DHX30: variants seen among roughly 807,000 people sequenced by gnomAD.
The protein encoded by DHX30 is DExH-box helicase 30, also known as ATP-dependent RNA helicase DHX30.
DHX30 carries 4 observed loss-of-function variants against 116.9 expected under a neutral mutation model. The observed-to-expected ratio is 0.03, with a 90% confidence interval of 0.02 to 0.08. The LOEUF is 0.08. Ranked by LOEUF, DHX30 falls within the 10% of genes least tolerant of loss-of-function variation. The probability of loss-of-function intolerance (pLI) is 1.00; values close to 1 mark genes in which losing one functional copy is unlikely to be tolerated. For synonymous variants in DHX30, 697 were observed against 651.7 expected (o/e 1.07, Z -1.06); for missense variants, 871 against 1,595.1 (o/e 0.55, Z 7.73).
intron 4 of DHX30, chr3:47,826,250 T>C (rs566195435): frequency 3.3e-5 from 5 of 152,240 alleles, no homozygotes; most frequent in African/African-American, 1.2e-4. Context: ...CTTCATGACC[T>C]GGTTAAGCCT....
At chr3:47,838,722 C>T (rs958344545) in intron 6 of DHX30, among the ~76,000 whole-genome samples, 1 of 152,166 alleles carries the variant, frequency 6.6e-6, no homozygotes, top group Non-Finnish European at 1.5e-5. Context: ...CAGACTTTGT[C>T]GCCTTTACCA....
At chr3:47,834,064 A>G (rs1191454792) in intron 6 of DHX30, among the ~76,000 whole-genome samples, 6 of 151,616 alleles carry the variant, frequency 4.0e-5, no homozygotes, top group Non-Finnish European at 7.4e-5. Flanking sequence ...CTGTGTATTC[A>G]GCTTATTTTA....
intron 6 of DHX30, among the ~76,000 whole-genome samples, chr3:47,839,993 CTTTTCTTTTCT>C (rs1312734422): frequency 3.0e-4 from 33 of 110,088 alleles, no homozygotes; most frequent in Middle Eastern, 5.1e-3. Context: ...ATTTTTTTTT[CTTTTCTTTTCT>C]TTTTTTTTTT....
At chr3:47,819,441 C>T (rs1199225894) in intron 4 of DHX30, among the ~76,000 whole-genome samples, 1 of 152,178 alleles carries the variant, frequency 6.6e-6, no homozygotes, top group East Asian at 1.9e-4. Flanking sequence ...GCTCTCTTCC[C>T]CAGAGGAGTG....
In DHX30 at chr3:47,848,592, CGAG is replaced by C; in HGVS notation, c.2576-30_2576-28del. On this transcript the variant is annotated intron_variant, in intron 16 of 21. Coordinates refer to ENST00000445061, the MANE Select transcript of DHX30 (RefSeq NM_138615.3). This position sits in a 1 kb window ranked among gnomAD's most constrained non-coding sequence, Gnocchi z 9.4. ...CTGGGCTGGGCTGGGGAGTGGCTCT[CGAG>C]GGTGGTACTGACAGCTGAGCCGTTG... The C allele has an allele frequency of 6.2e-7, 1 of 1,613,944 alleles. No homozygotes were observed. Among genetic ancestry groups the C allele is most frequent in the South Asian group, 1.1e-5 (1 of 91,070 alleles).
At chr3:47,818,754 G>C (rs968798827) in intron 4 of DHX30, among the ~76,000 whole-genome samples, 1 of 152,150 alleles carries the variant, frequency 6.6e-6, no homozygotes, top group African/African-American at 2.4e-5. Context: ...CTGCACATGA[G>C]CGCCTCCTCT....
At chr3:47,836,665 C>T (rs936873406) in intron 6 of DHX30, among the ~76,000 whole-genome samples, 3 of 152,066 alleles carry the variant, frequency 2.0e-5, no homozygotes, top group Non-Finnish European at 4.4e-5. Context: ...ACTACAGGTG[C>T]GCACCACCAC....
At chr3:47,831,534 T>C (rs1180017060) in intron 6 of DHX30, among the ~76,000 whole-genome samples, 4 of 152,186 alleles carry the variant, frequency 2.6e-5, no homozygotes, top group African/African-American at 9.7e-5. Flanking sequence ...CTTCCTCTTC[T>C]GGTTCTTTTC....
At chr3:47,815,984 A>G (rs912846697) in intron 3 of DHX30, 102 of 982,472 alleles carry the variant, frequency 1.0e-4, no homozygotes, top group Non-Finnish European at 1.1e-4. Context: ...GTGAATGAGG[A>G]CCCTCCTTAA....
chr3:47,822,684 C>T (rs184186596), intron 4 of DHX30, among the ~76,000 whole-genome samples: 3 of 152,164 alleles, frequency 2.0e-5, no homozygotes, highest in African/African-American at 7.2e-5. Context: ...GCTTGGGAGA[C>T]TGAGACAGGA....
In DHX30 at chr3:47,824,564, T is replaced by C. The variant is rs115446929; in HGVS notation, c.125-2783T>C. On this transcript the variant is annotated intron_variant, in intron 4 of 21. Coordinates refer to ENST00000445061, the MANE Select transcript of DHX30 (RefSeq NM_138615.3). ...GCCTCAACCTCCCAAAGTGTTGGGA[T>C]TGCAGGCATGAGCCACGGCGCCTGG... Among the ~76,000 whole-genome samples the C allele has an allele frequency of 3.8e-3, 584 of 152,262 alleles. 4 individuals are homozygous for C. Among genetic ancestry groups the C allele is most frequent in the African/African-American group, 0.013 (547 of 41,568 alleles).
intron 4 of DHX30, among the ~76,000 whole-genome samples, chr3:47,823,038 A>G (rs573022350): frequency 4.7e-5 from 7 of 149,614 alleles, no homozygotes; most frequent in South Asian, 4.3e-4. Context: ...GCTTGCAGTG[A>G]GCCGAGATTG....
At chr3:47,824,149 C>T (rs1050041809) in intron 4 of DHX30, among the ~76,000 whole-genome samples, 1 of 151,746 alleles carries the variant, frequency 6.6e-6, no homozygotes, top group Non-Finnish European at 1.5e-5. Flanking sequence ...ATTACAGGCG[C>T]GCGACACTAT....
intron 6 of DHX30, among the ~76,000 whole-genome samples, chr3:47,839,952 G>A (rs2037294260): frequency 6.6e-6 from 1 of 151,928 alleles, no homozygotes. Flanking sequence ...TGGGATTACA[G>A]GTGTGAGCCA....
At chr3:47,836,699 A>G (rs1443951423) in intron 6 of DHX30, among the ~76,000 whole-genome samples, 1 of 151,844 alleles carries the variant, frequency 6.6e-6, no homozygotes, top group African/African-American at 2.4e-5. Flanking sequence ...TTGTATTTTT[A>G]GTAGAGACAG....
At chr3:47,832,817 T>G (rs549260904) in intron 6 of DHX30, among the ~76,000 whole-genome samples, 1 of 152,108 alleles carries the variant, frequency 6.6e-6, no homozygotes, top group East Asian at 1.9e-4. Flanking sequence ...TTTTATATTT[T>G]TGGTAGAGAC....
rs538068330 is a variant in DHX30, at chr3:47,815,348, C to T, written c.29-2674C>T. Among the ~76,000 whole-genome samples the T allele has an allele frequency of 7.2e-5, 11 of 152,304 alleles. No individual in the cohort carries two copies. The South Asian group carries it at 2.3e-3, about 32-fold the overall frequency. Reference sequence around the variant, plus strand: ...CTGGAGAGCTATAGCCTTGCCTCAGCATGCAGTGTGCTGTGAGGTTGCATG... The same window carrying T: ...CTGGAGAGCTATAGCCTTGCCTCAGTATGCAGTGTGCTGTGAGGTTGCATG... On this transcript the variant is annotated intron_variant, in intron 3 of 21. Transcript: ENST00000445061.
chr3:47,809,445 C>T (rs554146052), intron 2 of DHX30, among the ~76,000 whole-genome samples: 32 of 151,814 alleles, frequency 2.1e-4, no homozygotes, highest in South Asian at 1.7e-3. Flanking sequence ...GGGGTTTCAC[C>T]GTGTTAGCAA....
intron 1 of DHX30, 150 bp downstream of exon 1, chr3:47,803,362 G>T: frequency 2.7e-6 from 1 of 375,866 alleles, no homozygotes; most frequent in East Asian, 3.8e-5. Context: ...AGCAGGCCGG[G>T]CATCCTAGGC....
Sources: allele counts gnomAD v4.1 joint callset (sites outside exome capture counted in the v4.1 genomes callset), GRCh38; gene constraint gnomAD v4.1.1; non-coding constraint Gnocchi (gnomAD v3.1); transcripts MANE v1.5; gene names NCBI Gene and HGNC (gene_info 2026-07-23, HGNC 2026-07-21).